The following PIK3C3 variants were observed in gnomAD, a reference collection of about 807,000 sequenced individuals.
The protein encoded by PIK3C3 is PI3-kinase type 3.
PIK3C3 carries 95 observed loss-of-function variants against 126.1 expected under a neutral mutation model. That is an observed-to-expected ratio of 0.75 (90% CI 0.64 to 0.89). The LOEUF (loss-of-function observed/expected upper bound fraction) is 0.89. PIK3C3 is among the 40% of genes least tolerant of loss of function. The pLI is 0.00. For missense variants in PIK3C3, 829 were observed against 1,063.2 expected, an observed-to-expected ratio of 0.78 and a Z score of 3.06; for synonymous variants, 374 against 360.0, an observed-to-expected ratio of 1.04 and a Z score of -0.44.
intron 10 of PIK3C3, among the ~76,000 whole-genome samples, chr18:42,008,848 A>G (rs1036215314): frequency 1.3e-5 from 2 of 152,178 alleles, no homozygotes; most frequent in South Asian, 2.1e-4. Context: ...TGAATATAGA[A>G]TATGTAATGA....
intron 3 of PIK3C3, among the ~76,000 whole-genome samples, chr18:41,966,893 G>A (rs1234650993): frequency 6.6e-6 from 1 of 152,102 alleles, no homozygotes; most frequent in African/African-American, 2.4e-5. Context: ...CTAACATAAC[G>A]TAAGATTTTA....
chr18:41,995,445 G>A (rs1406681998), intron 7 of PIK3C3, among the ~76,000 whole-genome samples: 12 of 152,232 alleles, frequency 7.9e-5, no homozygotes, highest in Admixed American at 4.6e-4. Flanking sequence ...ATATTCAAGC[G>A]TTGTGATTAT....
At chr18:42,074,909 C>T (rs1351612468) in intron 24 of PIK3C3, among the ~76,000 whole-genome samples, 1 of 152,090 alleles carries the variant, frequency 6.6e-6, no homozygotes, top group Admixed American at 6.5e-5. Context: ...TTGTGTTTTA[C>T]TTAAGTACCT....
chr18:42,032,685 A>G (rs145644584), intron 15 of PIK3C3, among the ~76,000 whole-genome samples: 1 of 151,728 alleles, frequency 6.6e-6, no homozygotes, highest in African/African-American at 2.4e-5. Flanking sequence ...CGCATCAACT[A>G]GTAATTTGTT....
At chr18:42,002,778 T>C (rs1182265137) in intron 9 of PIK3C3, among the ~76,000 whole-genome samples, 1 of 152,220 alleles carries the variant, frequency 6.6e-6, no homozygotes, top group African/African-American at 2.4e-5. Context: ...GAGAAACTCG[T>C]ATTTAGTTTC....
At chr18:42,056,260 A>G (rs1158309484) in intron 21 of PIK3C3, among the ~76,000 whole-genome samples, 3 of 152,132 alleles carry the variant, frequency 2.0e-5, no homozygotes, top group African/African-American at 7.2e-5. Flanking sequence ...ATATAATTTC[A>G]TTGTTAGATA....
intron 12 of PIK3C3, among the ~76,000 whole-genome samples, chr18:42,018,280 C>T (rs1983167096): frequency 6.6e-6 from 1 of 151,964 alleles, no homozygotes; most frequent in Admixed American, 6.6e-5. Flanking sequence ...ATTTACAATA[C>T]ATACTTCCTG....
chr18:42,080,010 T>A (rs1986191719), intron 24 of PIK3C3, among the ~76,000 whole-genome samples: 1 of 151,574 alleles, frequency 6.6e-6, no homozygotes, highest in African/African-American at 2.4e-5. Flanking sequence ...TGTGTGTGTG[T>A]GTGTGTGTGT....
At chr18:42,079,584 A>C (rs560015281) in intron 24 of PIK3C3, among the ~76,000 whole-genome samples, 5 of 152,120 alleles carry the variant, frequency 3.3e-5, no homozygotes, top group East Asian at 1.9e-4. Flanking sequence ...TTTGTTAAAA[A>C]AAAACAAAAC....
rs1026957508 is a variant in PIK3C3, at chr18:42,083,123, G to T, written c.*1986G>T. 1.3e-5 allele frequency: 2 copies of T among 152,170 alleles called. No homozygotes were observed. The highest frequency in any genetic ancestry group is 1.3e-4 in the Admixed American group (2 of 15,280). 9.4% of individuals were successfully genotyped at this position (152,170 alleles called of 1,614,324 possible). A position where few individuals can be genotyped will look rare whatever the true frequency, so the allele number is the denominator to read the frequency against. ...TTGCTGAGAGATTTTGGCTGTGAGT[G>T]ACAAGCCTATATCAAAAAGAAAAGT... is the stretch of plus-strand genomic sequence containing the variant. On this transcript the variant is annotated 3_prime_UTR_variant, in exon 25 of 25. Coordinates refer to ENST00000262039, the MANE Select transcript of PIK3C3 (RefSeq NM_002647.4).
In PIK3C3 at chr18:42,029,432, T is replaced by C; in HGVS notation, c.1698T>C (p.Arg566=). Residue 566 remains arginine, a synonymous_variant, in exon 15 of 25, where the codon CGT becomes CGC. Coordinates refer to ENST00000262039, the MANE Select transcript of PIK3C3 (RefSeq NM_002647.4). ...MKAVQRESGN[R]KKKNERLQAL... ...CAGTACAACGCGAAAGTGGAAATCG[T>C]AAGAAAAAGGTAAGCCTATGGTGTA... The C allele has an allele frequency of 6.3e-7, 1 of 1,595,642 alleles. No homozygotes were observed. The highest frequency in any genetic ancestry group is 8.6e-7 in the Non-Finnish European group (1 of 1,163,776).
chr18:41,960,572 T>C (rs1405427766), intron 2 of PIK3C3, among the ~76,000 whole-genome samples: 2 of 152,112 alleles, frequency 1.3e-5, no homozygotes, highest in Non-Finnish European at 2.9e-5. Flanking sequence ...CAAGTGAATG[T>C]AATCTTAAGG....
At chr18:41,980,635 A>T (rs1981149771) in intron 4 of PIK3C3, among the ~76,000 whole-genome samples, 1 of 152,042 alleles carries the variant, frequency 6.6e-6, no homozygotes, top group Non-Finnish European at 1.5e-5. Context: ...GGGCAACATG[A>T]TGAAACTTTG....
chr18:42,015,757 A>G (rs1983045916), intron 12 of PIK3C3, among the ~76,000 whole-genome samples, 191 bp downstream of exon 12: 1 of 152,154 alleles, frequency 6.6e-6, no homozygotes, highest in Admixed American at 6.5e-5. Context: ...AATTTGAGTC[A>G]TTTTATTGGT....
In PIK3C3 at chr18:42,081,208, G is replaced by C; in HGVS notation, c.*71G>C. The C allele has an allele frequency of 1.1e-6, 1 of 924,080 alleles. No individual in the cohort carries two copies. The allele number at this position is 924,080 out of a possible 1,614,324, so 57.2% of individuals were successfully genotyped here. ...CGTTAGGAGCAACCTTTGTATATTG[G>C]AGACTTCAGAGTAACCAGCAAGGAA... On this transcript the variant is annotated 3_prime_UTR_variant, in exon 25 of 25. Transcript: ENST00000262039.
chr18:42,033,948 A>G lies in PIK3C3; in HGVS notation c.1830A>G (p.Thr610=). ...KIRGIIPETA[T]LFKSALMPAQ... is the part of the protein sequence containing the mutation. ...GAGGAATAATTCCGGAAACAGCTACACTGTTTAAAGTAATTGTGATGGATA... is the reference window on the plus strand; with the variant it reads ...GAGGAATAATTCCGGAAACAGCTACGCTGTTTAAAGTAATTGTGATGGATA... Residue 610 remains threonine (T), a synonymous_variant, in exon 16 of 25, where the codon ACA becomes ACG. Coordinates refer to ENST00000262039, the MANE Select transcript of PIK3C3 (RefSeq NM_002647.4). The G allele has an allele frequency of 6.2e-7, 1 of 1,600,834 alleles. No homozygotes were observed. The highest frequency in any genetic ancestry group is 8.5e-7 in the Non-Finnish European group (1 of 1,173,610).
chr18:42,023,499 C>A (rs1983420283), intron 13 of PIK3C3, among the ~76,000 whole-genome samples: 2 of 152,256 alleles, frequency 1.3e-5, no homozygotes, highest in African/African-American at 4.8e-5. Context: ...TGTTTTCCCA[C>A]TATATCTCTG....
At chr18:41,956,282 C>T (rs1265146381) in intron 1 of PIK3C3, among the ~76,000 whole-genome samples, 1 of 152,116 alleles carries the variant, frequency 6.6e-6, no homozygotes, top group African/African-American at 2.4e-5. Context: ...TCAGAAGTCC[C>T]TTATTCGCTG....
chr18:42,038,772 G>C lies in PIK3C3; in HGVS notation c.1969-9G>C. The C allele has an allele frequency of 1.3e-6, 2 of 1,580,008 alleles. No individual in the cohort carries two copies. Among genetic ancestry groups the C allele is most frequent in the South Asian group, 2.2e-5 (2 of 89,940 alleles). On this transcript the variant is annotated splice_polypyrimidine_tract_variant and intron_variant, in intron 17 of 24. Coordinates refer to ENST00000262039, the MANE Select transcript of PIK3C3 (RefSeq NM_002647.4). Reference sequence around the variant, plus strand: ...ATTTGGTTAATATATTTTACCTTTTGATTAAAAGCTGTTACGGAAAGAAAA... The same window carrying C: ...ATTTGGTTAATATATTTTACCTTTTCATTAAAAGCTGTTACGGAAAGAAAA...
Sources: allele counts gnomAD v4.1 joint callset (sites outside exome capture counted in the v4.1 genomes callset), GRCh38; gene constraint gnomAD v4.1.1; transcripts MANE v1.5; gene names NCBI Gene and HGNC (gene_info 2026-07-23, HGNC 2026-07-21).